The following KCTD8 variants were observed in gnomAD, a reference collection of about 807,000 sequenced individuals.
KCTD8 encodes BTB/POZ domain-containing protein KCTD8.
A neutral mutation model predicts 31.5 loss-of-function variants in KCTD8; 27 were observed. The observed-to-expected ratio is 0.86, with a 90% confidence interval of 0.63 to 1.18. KCTD8 has a LOEUF of 1.18. KCTD8 is among the 50% of genes most tolerant of loss of function. KCTD8 has a pLI of 0.00. For missense variants in KCTD8, 658 were observed against 647.7 expected, an observed-to-expected ratio of 1.02 and a Z score of -0.17; for synonymous variants, 290 against 280.0, an observed-to-expected ratio of 1.04 and a Z score of -0.36.
chr4:44,208,584 T>C (rs542032673), intron 1 of KCTD8, among the ~76,000 whole-genome samples: 1 of 152,236 alleles, frequency 6.6e-6, no homozygotes, highest in African/African-American at 2.4e-5. Context: ...AATAGTACAA[T>C]GTATGCAAAC....
intron 1 of KCTD8, among the ~76,000 whole-genome samples, chr4:44,383,724 A>AAC (rs1394420530): frequency 3.3e-5 from 5 of 151,994 alleles, no homozygotes; most frequent in African/African-American, 9.7e-5. Flanking sequence ...ACTGGAAAAA[A>AAC]ACACACACAC....
chr4:44,447,880 C>T lies in KCTD8; in HGVS notation c.644G>A (p.Gly215Asp). The change falls in exon 1 of 2, where the codon GGC (glycine) becomes GAC (aspartate). Residue 215 changes from glycine to aspartate, a missense_variant. Physicochemically the swap from Gly to Asp is moderately conservative, Grantham distance 94 (BLOSUM62 -1). Coordinates refer to ENST00000360029, the MANE Select transcript of KCTD8 (RefSeq NM_198353.3). ...GTTGTCGCGCACGGTGGTGTAGGAG[C>T]CCCGGTAGCCCAGCGTGAGGAAGCC... ...RSGFLTLGYRGSYTTVRDNQA... is the reference protein window; with the variant it reads ...RSGFLTLGYRDSYTTVRDNQA... 1 of 1,543,532 alleles carries T rather than the reference C, an allele frequency of 6.5e-7. No homozygotes were observed. The highest frequency in any genetic ancestry group is 8.8e-7 in the Non-Finnish European group (1 of 1,142,132).
At chr4:44,323,099 A>G (rs985466044) in intron 1 of KCTD8, among the ~76,000 whole-genome samples, 1 of 152,022 alleles carries the variant, frequency 6.6e-6, no homozygotes, top group Non-Finnish European at 1.5e-5. Context: ...AAATTTTAAG[A>G]TGACCTTTTT....
intron 1 of KCTD8, among the ~76,000 whole-genome samples, chr4:44,295,769 G>A (rs1481725177): frequency 1.3e-5 from 2 of 152,034 alleles, no homozygotes; most frequent in African/African-American, 2.4e-5. Flanking sequence ...ACCTCCCAGA[G>A]GCTCCATCTC....
intron 1 of KCTD8, among the ~76,000 whole-genome samples, chr4:44,279,908 C>T (rs1175977642): frequency 6.6e-6 from 1 of 151,950 alleles, no homozygotes; most frequent in Non-Finnish European, 1.5e-5. Context: ...CTATTTTGAT[C>T]TCATTCATAC....
At chr4:44,386,415 A>G (rs1328436012) in intron 1 of KCTD8, among the ~76,000 whole-genome samples, 2 of 151,634 alleles carry the variant, frequency 1.3e-5, no homozygotes. Flanking sequence ...AAAATATCTA[A>G]TAATCTAATT....
chr4:44,318,039 G>T (rs1214505806), intron 1 of KCTD8, among the ~76,000 whole-genome samples: 1 of 152,220 alleles, frequency 6.6e-6, no homozygotes, highest in Admixed American at 6.5e-5. Flanking sequence ...TGACTCTGAA[G>T]TTGAAGCATC....
chr4:44,297,904 G>A (rs966601206), intron 1 of KCTD8, among the ~76,000 whole-genome samples: 21 of 152,056 alleles, frequency 1.4e-4, no homozygotes, highest in African/African-American at 4.8e-4. Flanking sequence ...TGTAATTAGC[G>A]GCCAGTCCTT....
chr4:44,268,712 C>A (rs1342686420), intron 1 of KCTD8, among the ~76,000 whole-genome samples: 2 of 152,140 alleles, frequency 1.3e-5, no homozygotes, highest in South Asian at 4.1e-4. Flanking sequence ...GATACAAAAC[C>A]AATGTACAAA....
Position 44,177,814 on chromosome 4 carries a change from T to G in KCTD8, c.962-2564A>C, listed in dbSNP as rs186714752. On this transcript the variant is annotated intron_variant, in intron 1 of 1. Coordinates refer to ENST00000360029, the MANE Select transcript of KCTD8 (RefSeq NM_198353.3). ...CTAATACAGGTTTTAACCATTTAGG[T>G]ACCATAACTAATCTTAGTGTACTTC... Among the ~76,000 whole-genome samples, 4 of 152,302 alleles carry G rather than the reference T, an allele frequency of 2.6e-5. No individual in the cohort carries two copies. The East Asian group carries it at 7.7e-4, about 29-fold the overall frequency.
At chr4:44,198,017 A>G (rs890283845) in intron 1 of KCTD8, among the ~76,000 whole-genome samples, 1 of 152,236 alleles carries the variant, frequency 6.6e-6, no homozygotes, top group Admixed American at 6.5e-5. Context: ...AGTCAGAAGC[A>G]TTAACAACAG....
chr4:44,329,436 ATTACT>A (rs1718536161), intron 1 of KCTD8, among the ~76,000 whole-genome samples: 1 of 152,020 alleles, frequency 6.6e-6, no homozygotes, highest in African/African-American at 2.4e-5. Context: ...ATAAGTTTGT[ATTACT>A]TTATCTTCTA....
At chr4:44,329,474 A>G (rs1718538093) in intron 1 of KCTD8, among the ~76,000 whole-genome samples, 1 of 151,994 alleles carries the variant, frequency 6.6e-6, no homozygotes, top group Non-Finnish European at 1.5e-5. Flanking sequence ...GTCCCTCTGT[A>G]AGCATTAATT....
chr4:44,365,179 T>G (rs76817374), intron 1 of KCTD8, among the ~76,000 whole-genome samples: 1 of 152,168 alleles, frequency 6.6e-6, no homozygotes, highest in African/African-American at 2.4e-5. Context: ...GGTGGGCATA[T>G]GGGAACTCCC....
rs1716929731 is a variant in KCTD8, at chr4:44,282,492, T to C, written c.962-107242A>G. Reference sequence around the variant, plus strand: ...TCATTAATAAACCTACAATGTCCTCTAAGTGTACAAGTGAAAGGAAGTCAT... The same window carrying C: ...TCATTAATAAACCTACAATGTCCTCCAAGTGTACAAGTGAAAGGAAGTCAT... On this transcript the variant is annotated intron_variant, in intron 1 of 1. Coordinates refer to ENST00000360029, the MANE Select transcript of KCTD8 (RefSeq NM_198353.3). 3.9e-5 allele frequency among the ~76,000 whole-genome samples: 6 copies of C among 152,196 alleles called. No individual in the cohort carries two copies. The South Asian group carries it at 1.2e-3, about 32-fold the overall frequency.
At chr4:44,349,105 A>AATGCTATCATC (rs1401999891) in intron 1 of KCTD8, among the ~76,000 whole-genome samples, 2 of 100,610 alleles carry the variant, frequency 2.0e-5, no homozygotes, top group Non-Finnish European at 4.6e-5. Context: ...ACTACCACCA[A>AATGCTATCATC]TGCTATCATC....
intron 1 of KCTD8, among the ~76,000 whole-genome samples, chr4:44,369,669 T>G (rs1321720567): frequency 6.6e-6 from 1 of 152,148 alleles, no homozygotes; most frequent in East Asian, 1.9e-4. Flanking sequence ...TGGTGGCACA[T>G]GCTTGCAGAC....
intron 1 of KCTD8, among the ~76,000 whole-genome samples, chr4:44,432,943 T>C (rs1721540045): frequency 6.6e-6 from 1 of 151,674 alleles, no homozygotes; most frequent in Admixed American, 6.6e-5. Flanking sequence ...ACCACTCTTC[T>C]CTTCTGTTAC....
chr4:44,363,053 T>C (rs1719541112), intron 1 of KCTD8, among the ~76,000 whole-genome samples: 1 of 152,110 alleles, frequency 6.6e-6, no homozygotes, highest in Admixed American at 6.6e-5. Flanking sequence ...AATTCATTTA[T>C]ATTGGAAAGG....
Sources: allele counts gnomAD v4.1 joint callset (sites outside exome capture counted in the v4.1 genomes callset), GRCh38; gene constraint gnomAD v4.1.1; transcripts MANE v1.5; gene names NCBI Gene and HGNC (gene_info 2026-07-23, HGNC 2026-07-21).